The following ACTR3C variants were observed in gnomAD, a reference collection of about 807,000 sequenced individuals.
ACTR3C encodes the protein actin-related protein 3C.
Under a neutral mutation model 26.3 loss-of-function variants are expected in ACTR3C, and 18 were observed. That is an observed-to-expected ratio of 0.68 (90% CI 0.47 to 1.01). ACTR3C has a LOEUF of 1.01. Ranked by LOEUF, ACTR3C falls within the 50% of genes least tolerant of loss-of-function variation. ACTR3C has a pLI of 0.00. For missense variants in ACTR3C, 184 were observed against 250.7 expected, an observed-to-expected ratio of 0.73 and a Z score of 1.80; for synonymous variants, 55 against 94.5, an observed-to-expected ratio of 0.58 and a Z score of 2.42.
downstream of ACTR3C, among the ~76,000 whole-genome samples, chr7:150,243,444 C>T (rs1039657753): frequency 6.6e-6 from 1 of 151,818 alleles, no homozygotes; most frequent in Non-Finnish European, 1.5e-5. Context: ...TTGGGTGGAA[C>T]TTATGGTTAA....
chr7:150,034,765 G>A, the ACTR3C span, among the ~76,000 whole-genome samples: 6 of 151,210 alleles, frequency 4.0e-5, no homozygotes, highest in East Asian at 2.0e-4. Context: ...AACGAAGGGG[G>A]CCCTAAGCCA....
chr7:149,987,657 T>C, the ACTR3C span, among the ~76,000 whole-genome samples: 1 of 141,764 alleles, frequency 7.1e-6, no homozygotes, highest in African/African-American at 2.5e-5. Flanking sequence ...ATTTTGAAAA[T>C]TGTTAGTTTT....
the ACTR3C span, among the ~76,000 whole-genome samples, chr7:149,988,211 G>A: frequency 6.6e-6 from 1 of 152,212 alleles, no homozygotes; most frequent in Admixed American, 6.5e-5. Flanking sequence ...TCCTCCTGGT[G>A]TGCATTAGCT....
At chr7:150,292,645 G>A (rs528517686) in intron 3 of ACTR3C, among the ~76,000 whole-genome samples, 3 of 152,024 alleles carry the variant, frequency 2.0e-5, no homozygotes, top group Non-Finnish European at 4.4e-5. Context: ...GGACAGGCAT[G>A]CGCCACCACA....
chr7:149,894,624 G>A, the ACTR3C span, among the ~76,000 whole-genome samples: 1 of 152,066 alleles, frequency 6.6e-6, no homozygotes, highest in Non-Finnish European at 1.5e-5. Flanking sequence ...TGGCCAACAG[G>A]TATATGAAAA....
At chr7:150,086,343 G>T in the ACTR3C span, among the ~76,000 whole-genome samples, 1 of 152,230 alleles carries the variant, frequency 6.6e-6, no homozygotes, top group Admixed American at 6.5e-5. Flanking sequence ...GATAAGGTTG[G>T]CCTTATGCTA....
At chr7:150,221,822 G>A in the ACTR3C span, among the ~76,000 whole-genome samples, 1 of 151,882 alleles carries the variant, frequency 6.6e-6, no homozygotes, top group Admixed American at 6.6e-5. Flanking sequence ...GTGAAACCCC[G>A]TCTCTACTAA....
chr7:150,207,423 T>C, the ACTR3C span, among the ~76,000 whole-genome samples: 1 of 152,254 alleles, frequency 6.6e-6, no homozygotes, highest in Non-Finnish European at 1.5e-5. Flanking sequence ...TTATGAAGTA[T>C]AGAAATAGTA....
the ACTR3C span, among the ~76,000 whole-genome samples, chr7:150,178,114 C>A: frequency 6.7e-6 from 1 of 150,316 alleles, no homozygotes; most frequent in Non-Finnish European, 1.5e-5. Context: ...ATTCTGGACA[C>A]AACATCGTCT....
chr7:150,164,880 A>G, the ACTR3C span, among the ~76,000 whole-genome samples: 575 of 152,302 alleles, frequency 3.8e-3, 5 homozygotes, highest in African/African-American at 0.013. Context: ...GACTCGTTAT[A>G]GGGAGAATTC....
At chr7:149,888,753 A>G in the ACTR3C span, among the ~76,000 whole-genome samples, 1 of 152,188 alleles carries the variant, frequency 6.6e-6, no homozygotes, top group Non-Finnish European at 1.5e-5. Context: ...CACACCTGTA[A>G]TCCCAGCACT....
At chr7:149,981,560 T>C in the ACTR3C span, among the ~76,000 whole-genome samples, 2 of 149,948 alleles carry the variant, frequency 1.3e-5, no homozygotes, top group Non-Finnish European at 1.5e-5. Flanking sequence ...CTCAGACTGG[T>C]CAATGCCTTG....
rs1359491385 is a variant in ACTR3C at position 150,286,445 on chromosome 7, A to T, written c.393T>A (p.Asn131Lys). 5 of 1,613,282 alleles carry T rather than the reference A, an allele frequency of 3.1e-6. No homozygotes were observed. Among genetic ancestry groups the T allele is most frequent in the Non-Finnish European group, 2.5e-6 (3 of 1,179,966 alleles). ...TAACAAACTTCTTCTGGTTGATCGC[A>T]TTGATACCCGTGTACTGTTTGATCC... ...QKWIKQYTGINAINQKKFVID... is the reference protein window; with the variant it reads ...QKWIKQYTGIKAINQKKFVID... The change falls in exon 5 of 8, where the codon AAT becomes AAA. Residue 131 changes from asparagine to lysine, a missense_variant. Asn to Lys is a moderately conservative substitution (Grantham distance 94). Coordinates refer to ENST00000683684, the MANE Select transcript of ACTR3C (RefSeq NM_001164458.2).
chr7:150,205,105 G>A, the ACTR3C span, among the ~76,000 whole-genome samples: 1 of 152,134 alleles, frequency 6.6e-6, no homozygotes, highest in Admixed American at 6.5e-5. Context: ...ATGCGAAAGA[G>A]CCAGAAAAAA....
the ACTR3C span, among the ~76,000 whole-genome samples, chr7:150,137,311 G>A: frequency 7.2e-5 from 11 of 152,262 alleles, no homozygotes; most frequent in East Asian, 1.7e-3. Context: ...AGGTTTTCTC[G>A]GGTTTTTTAC....
At chr7:150,051,842 C>T in the ACTR3C span, among the ~76,000 whole-genome samples, 4 of 151,946 alleles carry the variant, frequency 2.6e-5, no homozygotes, top group Non-Finnish European at 5.9e-5. Flanking sequence ...TTTGGTCTAC[C>T]TGCAAGCTAA....
the ACTR3C span, among the ~76,000 whole-genome samples, chr7:150,176,551 T>C: frequency 6.6e-6 from 1 of 150,998 alleles, no homozygotes; most frequent in South Asian, 2.1e-4. Context: ...TCACATACTT[T>C]ACATTCTTTT....
chr7:150,112,494 T>G, the ACTR3C span, among the ~76,000 whole-genome samples: 2 of 152,164 alleles, frequency 1.3e-5, no homozygotes, highest in African/African-American at 4.8e-5. Flanking sequence ...GCCATTGCCA[T>G]CCACACACCC....
the ACTR3C span, among the ~76,000 whole-genome samples, chr7:149,992,087 G>A: frequency 6.6e-6 from 1 of 151,116 alleles, no homozygotes; most frequent in African/African-American, 2.4e-5. Context: ...ACACAGAGGT[G>A]TGCCACCACT....
Sources: gnomAD v4.1 joint callset for allele counts (sites outside exome capture counted in the v4.1 genomes callset) on GRCh38, gnomAD v4.1.1 for gene constraint, MANE v1.5 for transcripts, NCBI Gene and HGNC (gene_info 2026-07-23, HGNC 2026-07-21) for gene names.